TMEM132D: variants seen among roughly 807,000 people sequenced by gnomAD.
TMEM132D encodes the protein mature OL transmembrane protein.
Under a neutral mutation model 62.3 loss-of-function variants are expected in TMEM132D, and 21 were observed. That is an observed-to-expected ratio of 0.34 (90% CI 0.24 to 0.49). TMEM132D has a LOEUF of 0.49. Ranked by LOEUF, TMEM132D falls within the 20% of genes least tolerant of loss-of-function variation. The pLI is 0.99. For missense variants in TMEM132D, 1,346 were observed against 1,402.8 expected (o/e 0.96, Z 0.65); for synonymous variants, 621 against 575.6 (o/e 1.08, Z -1.13).
chr12:129,333,504 C>G (rs1403021007), intron 4 of TMEM132D, among the ~76,000 whole-genome samples: 1 of 152,142 alleles, frequency 6.6e-6, no homozygotes, highest in East Asian at 1.9e-4. Flanking sequence ...TAGGATGCAT[C>G]TTTTATTCCT....
intron 2 of TMEM132D, among the ~76,000 whole-genome samples, chr12:129,573,906 GA>G (rs915192342): frequency 5.3e-5 from 8 of 150,334 alleles, no homozygotes; most frequent in South Asian, 4.2e-4. Context: ...CTCTAGGATG[GA>G]AAAAAAAAGA....
intron 5 of TMEM132D, among the ~76,000 whole-genome samples, chr12:129,103,370 A>C: frequency 6.6e-6 from 1 of 152,178 alleles, no homozygotes; most frequent in South Asian, 2.1e-4. Context: ...CTCATGGACA[A>C]TACCATCAGC....
chr12:129,263,970 G>A (rs1244345272), intron 4 of TMEM132D, among the ~76,000 whole-genome samples: 1 of 152,204 alleles, frequency 6.6e-6, no homozygotes, highest in Non-Finnish European at 1.5e-5. Context: ...GCAGCTTCAA[G>A]GATGTTGGCA....
At chr12:129,374,601 G>A (rs1266522711) in intron 3 of TMEM132D, among the ~76,000 whole-genome samples, 1 of 152,076 alleles carries the variant, frequency 6.6e-6, no homozygotes, top group South Asian at 2.1e-4. Flanking sequence ...GTTCAGCCTT[G>A]TTTTCAGGAA....
chr12:129,571,450 C>T (rs1351305416), intron 2 of TMEM132D, among the ~76,000 whole-genome samples: 4 of 152,004 alleles, frequency 2.6e-5, no homozygotes, highest in Non-Finnish European at 5.9e-5. Flanking sequence ...CGCACGTCTA[C>T]AGTCCCAGCT....
intron 2 of TMEM132D, among the ~76,000 whole-genome samples, chr12:129,642,186 A>G (rs997555056): frequency 3.3e-5 from 5 of 152,176 alleles, no homozygotes; most frequent in Non-Finnish European, 7.3e-5. Flanking sequence ...ATTTTATGAC[A>G]GTCTTTGAAC....
chr12:129,404,768 G>A (rs752875336), intron 3 of TMEM132D, among the ~76,000 whole-genome samples: 22 of 151,922 alleles, frequency 1.4e-4, no homozygotes, highest in Non-Finnish European at 2.8e-4. Context: ...CAAGGAGATG[G>A]TGTTAAGCCA....
chr12:129,578,472 TA>T (rs1187521204), intron 2 of TMEM132D, among the ~76,000 whole-genome samples: 2 of 150,136 alleles, frequency 1.3e-5, no homozygotes, highest in African/African-American at 2.5e-5. Context: ...ATATTATATA[TA>T]GGGGATAATA....
chr12:129,546,308 T>C lies in TMEM132D; in HGVS notation c.969-15103A>G, dbSNP rs149140889. ...TTTCTCATATGAATAAAATAACAAC[T>C]TTGATTCATTCCTGAAACCCTGTTG... is the stretch of plus-strand genomic sequence containing the variant. On this transcript the variant is annotated intron_variant, in intron 2 of 8. Coordinates refer to ENST00000422113, the MANE Select transcript of TMEM132D (RefSeq NM_133448.3). 5.6e-3 allele frequency among the ~76,000 whole-genome samples: 858 copies of C among 152,336 alleles called. 7 individuals carry two copies. Among genetic ancestry groups the C allele is most frequent in the African/African-American group, 0.02 (813 of 41,578 alleles).
intron 3 of TMEM132D, among the ~76,000 whole-genome samples, chr12:129,505,335 C>T (rs974415145): frequency 2.0e-5 from 3 of 151,960 alleles, no homozygotes; most frequent in African/African-American, 4.8e-5. Context: ...CTCCGCCTCC[C>T]GGGTTCATGC....
intron 2 of TMEM132D, among the ~76,000 whole-genome samples, chr12:129,693,423 A>G (rs1285662253): frequency 6.6e-6 from 1 of 152,248 alleles, no homozygotes; most frequent in Admixed American, 6.5e-5. Flanking sequence ...TTAAGCAGCT[A>G]TATTGCCCTC....
At chr12:129,828,761 AG>A in intron 1 of TMEM132D, among the ~76,000 whole-genome samples, 1 of 100,194 alleles carries the variant, frequency 1.0e-5, no homozygotes, top group Non-Finnish European at 2.1e-5. Context: ...GGAGGAAAGG[AG>A]GGAGGGAGGG....
intron 5 of TMEM132D, among the ~76,000 whole-genome samples, chr12:129,144,839 T>A (rs1212528736): frequency 6.6e-6 from 1 of 152,224 alleles, no homozygotes; most frequent in Non-Finnish European, 1.5e-5. Context: ...TGATTATCTA[T>A]CTATGTATAT....
intron 4 of TMEM132D, among the ~76,000 whole-genome samples, chr12:129,265,550 C>T (rs371549736): frequency 2.6e-4 from 40 of 152,274 alleles, no homozygotes; most frequent in African/African-American, 9.4e-4. Flanking sequence ...CGGTGTCCCT[C>T]CCGGCCCTCA....
chr12:129,176,121 T>G (rs1455864146), intron 5 of TMEM132D, among the ~76,000 whole-genome samples: 1 of 152,184 alleles, frequency 6.6e-6, no homozygotes, highest in East Asian at 1.9e-4. Context: ...CATCTTCAAA[T>G]GCACATGCAG....
intron 2 of TMEM132D, among the ~76,000 whole-genome samples, chr12:129,584,435 C>A (rs770560116): frequency 3.9e-5 from 6 of 152,220 alleles, no homozygotes; most frequent in African/African-American, 1.4e-4. Flanking sequence ...TCACGACCTT[C>A]GAGCATGGCT....
At chr12:129,075,814 A>G (rs1351138662) in intron 8 of TMEM132D, among the ~76,000 whole-genome samples, 4 of 152,244 alleles carry the variant, frequency 2.6e-5, no homozygotes, top group African/African-American at 9.6e-5. Flanking sequence ...CTTTGCAAAT[A>G]GTTTGACCAG....
At chr12:129,179,657 GTTAT>G (rs894264200) in intron 5 of TMEM132D, among the ~76,000 whole-genome samples, 2 of 152,074 alleles carry the variant, frequency 1.3e-5, no homozygotes, top group African/African-American at 2.4e-5. Context: ...GAGAAACTTG[GTTAT>G]TTATTTATTT....
intron 3 of TMEM132D, among the ~76,000 whole-genome samples, chr12:129,344,779 A>G (rs1212788913): frequency 6.6e-6 from 1 of 152,072 alleles, no homozygotes; most frequent in Non-Finnish European, 1.5e-5. Flanking sequence ...AACGGGTCTT[A>G]GGGATTTTAA....
Sources: allele counts gnomAD v4.1 joint callset (sites outside exome capture counted in the v4.1 genomes callset), GRCh38; gene constraint gnomAD v4.1.1; transcripts MANE v1.5; gene names NCBI Gene and HGNC (gene_info 2026-07-23, HGNC 2026-07-21).